The following NRG1 variants were observed in gnomAD, a reference collection of about 807,000 sequenced individuals.
The protein encoded by NRG1 is neuregulin 1.
NRG1 carries 18 observed loss-of-function variants against 63.8 expected under a neutral mutation model. The observed-to-expected ratio is 0.28, with a 90% CI of 0.19 to 0.42. The LOEUF (loss-of-function observed/expected upper bound fraction) is 0.42. Ranked by LOEUF, NRG1 falls within the 10% of genes least tolerant of loss-of-function variation. NRG1 has a pLI of 1.00. For missense variants in NRG1, 762 were observed against 814.7 expected (o/e 0.94, Z 0.79); for synonymous variants, 302 against 301.3 (o/e 1.00, Z -0.02).
intron 1 of NRG1, among the ~76,000 whole-genome samples, chr8:31,709,904 T>C (rs896117592): frequency 1.3e-5 from 2 of 151,802 alleles, no homozygotes; most frequent in Admixed American, 1.3e-4. Context: ...AATGTATTTA[T>C]TCTATTTTTT....
At chr8:31,984,945 G>T (rs984696327) in intron 1 of NRG1, among the ~76,000 whole-genome samples, 17 of 152,126 alleles carry the variant, frequency 1.1e-4, no homozygotes, top group African/African-American at 4.1e-4. Flanking sequence ...GGAAAGAAAA[G>T]AAGTATTTCT....
chr8:32,633,392 C>A (rs763297927), intron 5 of NRG1, among the ~76,000 whole-genome samples: 1 of 152,052 alleles, frequency 6.6e-6, no homozygotes, highest in Non-Finnish European at 1.5e-5. Flanking sequence ...TTGTCCAGTA[C>A]CTCCAAAGGC....
intron 1 of NRG1, among the ~76,000 whole-genome samples, chr8:31,835,009 G>T (rs555725886): frequency 3.9e-4 from 59 of 152,272 alleles, no homozygotes; most frequent in African/African-American, 1.3e-3. Context: ...TGAAGTTAAT[G>T]CATATTAATG....
chr8:32,452,614 C>G (rs1283103308), intron 1 of NRG1, among the ~76,000 whole-genome samples: 1 of 152,120 alleles, frequency 6.6e-6, no homozygotes, highest in African/African-American at 2.4e-5. Flanking sequence ...TACTAAGAAG[C>G]TTTGAGTTCA....
intron 1 of NRG1, among the ~76,000 whole-genome samples, chr8:31,921,499 C>G (rs1563569728): frequency 6.8e-6 from 1 of 146,414 alleles, no homozygotes; most frequent in African/African-American, 2.5e-5. Flanking sequence ...CACACACACA[C>G]AGAGTTCTTT....
At chr8:32,762,059 A>AC (rs1554668851) in intron 11 of NRG1, among the ~76,000 whole-genome samples, 1 of 148,180 alleles carries the variant, frequency 6.7e-6, no homozygotes, top group African/African-American at 2.6e-5. Context: ...AAAAAAAAAA[A>AC]ACATTCTGGA....
intron 1 of NRG1, among the ~76,000 whole-genome samples, chr8:32,507,032 T>C (rs1049898406): frequency 1.3e-5 from 2 of 152,178 alleles, no homozygotes; most frequent in Non-Finnish European, 2.9e-5. Flanking sequence ...GACTCTACTT[T>C]AGGGTTGAAA....
intron 1 of NRG1, among the ~76,000 whole-genome samples, chr8:32,062,083 T>C (rs570598395): frequency 6.6e-6 from 1 of 152,098 alleles, no homozygotes; most frequent in African/African-American, 2.4e-5. Flanking sequence ...GGCATGTCAG[T>C]TGGAAAAAGA....
intron 1 of NRG1, among the ~76,000 whole-genome samples, chr8:32,157,953 C>G (rs1171137762): frequency 6.6e-6 from 1 of 152,098 alleles, no homozygotes; most frequent in Non-Finnish European, 1.5e-5. Flanking sequence ...ATTAGCTCTT[C>G]CTTATACACT....
intron 1 of NRG1, among the ~76,000 whole-genome samples, chr8:32,197,997 C>G (rs1400061419): frequency 6.6e-6 from 1 of 152,140 alleles, no homozygotes; most frequent in African/African-American, 2.4e-5. Context: ...CACACACACA[C>G]CATCCAGGAT....
At chr8:32,695,732 T>C (rs1047396353) in intron 5 of NRG1, among the ~76,000 whole-genome samples, 20 of 152,240 alleles carry the variant, frequency 1.3e-4, no homozygotes, top group African/African-American at 4.8e-4. Flanking sequence ...AGAACGACCT[T>C]CTTTTTGCTA....
chr8:32,442,014 T>A (rs1177694415), intron 1 of NRG1, among the ~76,000 whole-genome samples: 1 of 152,186 alleles, frequency 6.6e-6, no homozygotes, highest in Admixed American at 6.5e-5. Context: ...TGATAGTTAT[T>A]TTTTTCCATT....
intron 1 of NRG1, among the ~76,000 whole-genome samples, chr8:32,515,923 T>A (rs1331053887): frequency 6.6e-6 from 1 of 152,176 alleles, no homozygotes; most frequent in Non-Finnish European, 1.5e-5. Flanking sequence ...TGTAATTAGG[T>A]CCCACTTGTC....
chr8:32,149,165 G>A (rs920613887), intron 1 of NRG1, among the ~76,000 whole-genome samples: 1 of 152,148 alleles, frequency 6.6e-6, no homozygotes, highest in African/African-American at 2.4e-5. Context: ...CACTCTGTTG[G>A]TGAGTTTTGC....
exon 1 of NRG1, chr8:32,548,708 G>T: frequency 6.4e-7 from 1 of 1,565,324 alleles, no homozygotes; most frequent in Non-Finnish European, 8.7e-7. Context: ...TCCGCGTAGA[G>T]CGCTCCGTCT....
rs145606647 is a variant in NRG1 at position 32,523,931 on chromosome 8, C to T, written c.38-71897C>T. Reference sequence around the variant, plus strand: ...CTATATCCGTGATTGCTTTTCCTCACCACTGTTGCCTCCTTTTTTTAAATC... The same window carrying T: ...CTATATCCGTGATTGCTTTTCCTCATCACTGTTGCCTCCTTTTTTTAAATC... On this transcript the variant is annotated intron_variant, in intron 1 of 10. Transcript: ENST00000519301. Among the ~76,000 whole-genome samples the T allele has an allele frequency of 9.8e-3, 1,499 of 152,184 alleles. 24 individuals carry two copies. The highest frequency in any genetic ancestry group is 0.034 in the African/African-American group (1,419 of 41,504).
intron 1 of NRG1, among the ~76,000 whole-genome samples, chr8:31,717,830 A>T (rs1408565917): frequency 6.6e-6 from 1 of 152,156 alleles, no homozygotes; most frequent in Non-Finnish European, 1.5e-5. Context: ...GATACTTTTC[A>T]TGGCAATCTT....
At chr8:31,794,855 T>G (rs1206061815) in intron 1 of NRG1, among the ~76,000 whole-genome samples, 1 of 152,062 alleles carries the variant, frequency 6.6e-6, no homozygotes, top group African/African-American at 2.4e-5. Flanking sequence ...CAGGCTGGAG[T>G]GCAGCAGCAC....
At position 32,588,174 on chromosome 8, in the gene NRG1, G is replaced by A. The variant is rs955879669; in HGVS notation, c.101-7654G>A. ...TGATCTCAAGTGATCCATCTGCCTC[G>A]GCCTCCCAAAGAGCTGGGATTGCAG... On this transcript the variant is annotated intron_variant, in intron 1 of 11. Transcript: ENST00000356819. Among the ~76,000 whole-genome samples, 5 of 152,140 alleles carry A rather than the reference G, an allele frequency of 3.3e-5. 1 individual carries two copies. The highest frequency in any genetic ancestry group is 2.6e-4 in the Admixed American group (4 of 15,264).
Sources: gnomAD v4.1 joint callset for allele counts (sites outside exome capture counted in the v4.1 genomes callset) on GRCh38, gnomAD v4.1.1 for gene constraint, MANE v1.5 for transcripts, NCBI Gene and HGNC (gene_info 2026-07-23, HGNC 2026-07-21) for gene names.